MYO1D: variants seen among roughly 807,000 people sequenced by gnomAD.
MYO1D encodes the protein unconventional myosin-Id.
In MYO1D, 83 loss-of-function variants were observed where a neutral mutation model predicts 122.0. The ratio of observed to expected loss-of-function variants is 0.68; its 90% confidence interval spans 0.57 to 0.82. MYO1D has a LOEUF of 0.82. Ranked by LOEUF, MYO1D falls within the 40% of genes least tolerant of loss-of-function variation. The pLI, the probability that MYO1D is intolerant of heterozygous loss-of-function variation, is 0.00. For synonymous variants in MYO1D, 464 were observed against 446.9 expected (o/e 1.04, Z -0.48); for missense variants, 1,157 against 1,269.5 (o/e 0.91, Z 1.35).
In MYO1D at chr17:32,764,898, C is replaced by T. The variant is rs1172251807; in HGVS notation, c.1015G>A (p.Gly339Ser). Reference protein sequence around the residue: ...KQHTEQEASYGRDAFAKAIYE... With the variant: ...KQHTEQEASYSRDAFAKAIYE... ...CTCACCTTGGCAAAGGCGTCTCTGC[C>T]GTAGCTGGCCTCTTGTTCTGTGTGC... The change falls in exon 8 of 22, where the codon GGC becomes AGC. Residue 339 changes from glycine (G) to serine (S), a missense_variant. Physicochemically the swap from Gly to Ser is moderately conservative, Grantham distance 56. Transcript: ENST00000318217. 8.7e-6 allele frequency: 14 copies of T among 1,613,992 alleles called. No homozygotes were observed. The highest frequency in any genetic ancestry group is 4.0e-5 in the African/African-American group (3 of 74,930).
Position 32,555,171 on chromosome 17 carries a change from C to A in MYO1D, c.2864+49916G>T, listed in dbSNP as rs749172770. On this transcript the variant is annotated intron_variant, in intron 21 of 21. Transcript: ENST00000318217. ...TCGCAGGGCTTGTCGAATAAATGTA[C>A]GAATTTAGCACAAATTTCCTGTGTC... Among the ~76,000 whole-genome samples the A allele has an allele frequency of 2.0e-4, 31 of 151,936 alleles. 1 individual carries two copies. Among genetic ancestry groups the A allele is most frequent in the Admixed American group, 6.6e-5 (1 of 15,254 alleles).
At position 32,659,132 on chromosome 17, in the gene MYO1D, C is replaced by T. The variant is rs751952248; in HGVS notation, c.2328G>A (p.Leu776=). The part of the protein sequence containing the change: ...PKVLRRFEEA[L]QTIFNRWRAS... ...GTTCTTACCTATTGAAAATCGTCTG[C>T]AGGGCCTCCTCAAAACGGCGAAGAA... The change falls in exon 17 of 22, where the codon CTG becomes CTA. Residue 776 remains leucine, a synonymous_variant. Coordinates refer to ENST00000318217, the MANE Select transcript of MYO1D (RefSeq NM_015194.3). 2 of 1,614,114 alleles carry T rather than the reference C, an allele frequency of 1.2e-6. No individual in the cohort carries two copies. Among genetic ancestry groups the T allele is most frequent in the Admixed American group, 3.3e-5 (2 of 60,022 alleles).
intron 21 of MYO1D, among the ~76,000 whole-genome samples, chr17:32,552,634 T>C (rs1277066397): frequency 1.3e-5 from 2 of 152,180 alleles, no homozygotes; most frequent in African/African-American, 2.4e-5. Context: ...ATGTCCTAGG[T>C]ACTGTGCTGG....
intron 20 of MYO1D, chr17:32,632,586 T>TATACAG (rs1480751438): frequency 1.0e-5 from 1 of 96,570 alleles, no homozygotes; most frequent in Non-Finnish European, 2.0e-5. Flanking sequence ...TATATATATA[T>TATACAG]ACACACACAC....
intron 19 of MYO1D, among the ~76,000 whole-genome samples, chr17:32,650,668 T>A (rs868223642): frequency 2.0e-5 from 3 of 152,172 alleles, no homozygotes; most frequent in African/African-American, 4.8e-5. Flanking sequence ...CAAAGACTAA[T>A]CTGCTGTTAA....
At chr17:32,868,807 T>C (rs1214184309) in intron 1 of MYO1D, among the ~76,000 whole-genome samples, 1 of 152,160 alleles carries the variant, frequency 6.6e-6, no homozygotes, top group East Asian at 1.9e-4. Flanking sequence ...ACTTGGTCAT[T>C]TACGTCTCAG....
chr17:32,630,246 T>C (rs1382033135), intron 20 of MYO1D, among the ~76,000 whole-genome samples: 3 of 152,206 alleles, frequency 2.0e-5, no homozygotes, highest in Non-Finnish European at 4.4e-5. Context: ...CTTTCTTTTG[T>C]AGAGACAGTG....
chr17:32,599,435 T>C (rs191519113), intron 21 of MYO1D, among the ~76,000 whole-genome samples: 49 of 152,298 alleles, frequency 3.2e-4, no homozygotes, highest in African/African-American at 1.1e-3. Flanking sequence ...CTTCCTCCAA[T>C]GAAGTCCTGA....
At chr17:32,578,029 G>T (rs926815892) in intron 21 of MYO1D, among the ~76,000 whole-genome samples, 1 of 152,176 alleles carries the variant, frequency 6.6e-6, no homozygotes, top group Non-Finnish European at 1.5e-5. Flanking sequence ...GTGAGCCACC[G>T]CGCCCAGCCT....
chr17:32,532,752 G>T (rs1432735800), intron 21 of MYO1D, among the ~76,000 whole-genome samples: 1 of 149,922 alleles, frequency 6.7e-6, no homozygotes, highest in Non-Finnish European at 1.5e-5. Context: ...AACCAAACGA[G>T]TGCACGAGGC....
chr17:32,837,816 G>A (rs568222055), intron 1 of MYO1D, among the ~76,000 whole-genome samples: 99 of 152,130 alleles, frequency 6.5e-4, no homozygotes, highest in Middle Eastern at 6.8e-3. Context: ...TTGTTTTAAT[G>A]TTTAACTCAG....
intron 1 of MYO1D, among the ~76,000 whole-genome samples, chr17:32,875,495 C>G (rs1320592971): frequency 6.6e-6 from 1 of 152,190 alleles, no homozygotes; most frequent in Non-Finnish European, 1.5e-5. Flanking sequence ...TCAAAGATCA[C>G]AGCAAGAATG....
chr17:32,528,431 A>C (rs771485627), intron 21 of MYO1D, among the ~76,000 whole-genome samples: 2 of 152,040 alleles, frequency 1.3e-5, no homozygotes, highest in Non-Finnish European at 2.9e-5. Flanking sequence ...AGTAGAACTT[A>C]GGGGTGTGTA....
chr17:32,528,447 GTGTGTGCGTA>G (rs1910413066), intron 21 of MYO1D, among the ~76,000 whole-genome samples: 1 of 152,128 alleles, frequency 6.6e-6, no homozygotes, highest in Non-Finnish European at 1.5e-5. Context: ...GTGTATATGT[GTGTGTGCGTA>G]TGTGTGTGTG....
chr17:32,523,079 T>C (rs1910213578), intron 21 of MYO1D, among the ~76,000 whole-genome samples: 1 of 152,202 alleles, frequency 6.6e-6, no homozygotes, highest in Non-Finnish European at 1.5e-5. Context: ...CCTCCCAAAG[T>C]GCTGGGATTA....
chr17:32,597,241 G>A (rs1397913944), intron 21 of MYO1D, among the ~76,000 whole-genome samples: 1 of 152,084 alleles, frequency 6.6e-6, no homozygotes, highest in African/African-American at 2.4e-5. Context: ...TATATTGGTC[G>A]CAGAAGGTTT....
At chr17:32,549,269 T>A (rs1032156610) in intron 21 of MYO1D, among the ~76,000 whole-genome samples, 2 of 152,108 alleles carry the variant, frequency 1.3e-5, no homozygotes, top group African/African-American at 4.8e-5. Flanking sequence ...ATTTTGTTCA[T>A]TATTTTTGTA....
At chr17:32,787,182 A>G (rs2090305748) in intron 1 of MYO1D, among the ~76,000 whole-genome samples, 1 of 152,226 alleles carries the variant, frequency 6.6e-6, no homozygotes, top group South Asian at 2.1e-4. Context: ...ATTAAAAGAC[A>G]TAAAGAGAAT....
At chr17:32,827,160 G>A (rs963414791) in intron 1 of MYO1D, among the ~76,000 whole-genome samples, 13 of 152,258 alleles carry the variant, frequency 8.5e-5, no homozygotes, top group African/African-American at 2.9e-4. Context: ...ATGGATGAAC[G>A]GAGAAACAAA....
Sources: allele counts gnomAD v4.1 joint callset (sites outside exome capture counted in the v4.1 genomes callset), GRCh38; gene constraint gnomAD v4.1.1; transcripts MANE v1.5; gene names NCBI Gene and HGNC (gene_info 2026-07-23, HGNC 2026-07-21).